SLC25A43: variants seen among roughly 807,000 people sequenced by gnomAD.
SLC25A43 encodes solute carrier family 25 member 43.
SLC25A43 carries 10 observed loss-of-function variants against 22.8 expected under a neutral mutation model. The observed-to-expected ratio is 0.44, with a 90% CI of 0.27 to 0.74. The LOEUF is 0.74. Among genes scored for constraint, SLC25A43 ranks in the 30% least tolerant of loss-of-function variants. The pLI, the probability that SLC25A43 is intolerant of heterozygous loss-of-function variation, is 0.17. For synonymous variants in SLC25A43, 106 were observed against 121.6 expected (o/e 0.87, Z 0.84); for missense variants, 233 against 279.1 (o/e 0.83, Z 1.18).
intron 1 of SLC25A43, 41 bp from the exon 2 acceptor site, chrX:119,406,419 C>T (rs1307292167): frequency 2.5e-6 from 3 of 1,198,851 alleles, no homozygotes; most frequent in Non-Finnish European, 3.4e-6. Flanking sequence ...TAGCACAATC[C>T]ATAGTTGATT....
At chrX:119,422,619 G>A (rs1325663476) in intron 3 of SLC25A43, among the ~76,000 whole-genome samples, 1 of 111,719 alleles carries the variant, frequency 9.0e-6, no homozygotes, top group Non-Finnish European at 1.9e-5. Context: ...AGGAGATCTC[G>A]CTGTCTGCTA....
At position 119,424,504 on chromosome X, in the gene SLC25A43, G is replaced by A. The variant is rs143119716; in HGVS notation, c.690+14142G>A. Among the ~76,000 whole-genome samples the A allele has an allele frequency of 5.6e-3, 619 of 110,774 alleles. 6 individuals are homozygous for A. Among genetic ancestry groups the A allele is most frequent in the African/African-American group, 0.02 (599 of 30,489 alleles). ...ACCAAGAGTACAGGAGCCTAATCCT[G>A]TAGGCAAGGGAACTGGATCATTTTG... On this transcript the variant is annotated intron_variant, in intron 3 of 4. Coordinates refer to ENST00000217909, the MANE Select transcript of SLC25A43 (RefSeq NM_145305.3).
At chrX:119,441,449 G>A (rs939867384) in intron 3 of SLC25A43, among the ~76,000 whole-genome samples, 21 of 108,568 alleles carry the variant, frequency 1.9e-4, no homozygotes, top group African/African-American at 7.1e-4. Flanking sequence ...CACGCTGGGA[G>A]CTGTAGACCG....
intron 3 of SLC25A43, among the ~76,000 whole-genome samples, chrX:119,427,840 T>A (rs1256786461): frequency 8.9e-6 from 1 of 112,348 alleles, no homozygotes; most frequent in African/African-American, 3.2e-5. Flanking sequence ...CCTATGAATT[T>A]TTTTTCCTTT....
rs772282178 is a variant in SLC25A43, at chrX:119,410,243, A to G, written c.571A>G (p.Ile191Val). Residue 191 changes from isoleucine to valine, a missense_variant, in exon 3 of 5, where the codon ATC becomes GTC. Transcript: ENST00000217909. ...TCTTGTTTACATGAACCTGGAGAAA[A>G]TCTGGAACGGACCCCGAGATCAGTT... is the stretch of plus-strand genomic sequence containing the variant. Reference protein sequence around the residue: ...SLLVYMNLEKIWNGPRDQFSL... With the variant: ...SLLVYMNLEKVWNGPRDQFSL... The G allele has an allele frequency of 3.3e-6, 4 of 1,210,481 alleles. No homozygotes were observed. The East Asian group carries it at 1.2e-4, about 36-fold the overall frequency.
intron 3 of SLC25A43, among the ~76,000 whole-genome samples, chrX:119,435,161 AG>A (rs1161849176): frequency 9.0e-6 from 1 of 111,097 alleles, no homozygotes; most frequent in African/African-American, 3.3e-5. Flanking sequence ...TTTTAAAAAA[AG>A]AAAAAAATCG....
chrX:119,449,964 A>T (rs2052694530), intron 3 of SLC25A43, among the ~76,000 whole-genome samples: 1 of 111,238 alleles, frequency 9.0e-6, no homozygotes, highest in African/African-American at 3.3e-5. Context: ...TGGGCCATTC[A>T]TCACTGAGAT....
At chrX:119,411,935 G>A (rs1454127953) in intron 3 of SLC25A43, among the ~76,000 whole-genome samples, 1 of 111,525 alleles carries the variant, frequency 9.0e-6, no homozygotes, top group Non-Finnish European at 1.9e-5. Flanking sequence ...GGCCTCTTCT[G>A]GGCAAACCCT....
At chrX:119,411,640 T>A (rs2052350387) in intron 3 of SLC25A43, among the ~76,000 whole-genome samples, 1 of 111,479 alleles carries the variant, frequency 9.0e-6, no homozygotes, top group African/African-American at 3.3e-5. Flanking sequence ...CTAGTTCAAA[T>A]AAGGTTGGGT....
At chrX:119,415,731 G>C (rs1203021670) in intron 3 of SLC25A43, among the ~76,000 whole-genome samples, 11 of 107,279 alleles carry the variant, frequency 1.0e-4, no homozygotes, top group Non-Finnish European at 1.9e-5. Context: ...CACAGGTGCC[G>C]TGACTCCTGC....
Position 119,399,694 on chromosome X carries a change from G to T in SLC25A43, c.275+16G>T. The T allele has an allele frequency of 1.0e-6, 1 of 991,646 alleles. No homozygotes were observed. The highest frequency in any genetic ancestry group is 1.3e-6 in the Non-Finnish European group (1 of 788,288). 81.7% of individuals were successfully genotyped at this position (991,646 alleles called of 1,213,427 possible). On this transcript the variant is annotated intron_variant, in intron 1 of 4. Transcript: ENST00000217909. ...CCTACCGCAAGTAAGAGCCGGGCGGGGCCGGGGAACCGGGAGACCGGACGG... is the reference window on the plus strand; with the variant it reads ...CCTACCGCAAGTAAGAGCCGGGCGGTGCCGGGGAACCGGGAGACCGGACGG...
chrX:119,409,014 A>AT (rs777990090), intron 2 of SLC25A43, among the ~76,000 whole-genome samples: 40 of 109,685 alleles, frequency 3.6e-4, no homozygotes, highest in South Asian at 2.4e-3. Context: ...TACTTGAGTG[A>AT]TTTTTTCCCC....
chrX:119,446,411 T>C (rs1311243701), intron 3 of SLC25A43, among the ~76,000 whole-genome samples: 1 of 111,898 alleles, frequency 8.9e-6, no homozygotes, highest in Non-Finnish European at 1.9e-5. Flanking sequence ...ATGACCTTGG[T>C]CAAATCACTT....
Position 119,453,313 on chromosome X carries a change from C to G in SLC25A43, c.*248C>G. The G allele has an allele frequency of 2.7e-6, 1 of 368,387 alleles. No homozygotes were observed. The highest frequency in any genetic ancestry group is 4.5e-5 in the East Asian group (1 of 22,307). The allele number at this position is 368,387 out of a possible 1,213,427, so 30.4% of individuals were successfully genotyped here. A position where few individuals can be genotyped will look rare whatever the true frequency, so the allele number is the denominator to read the frequency against. ...TTCCACGAGATTTTATAACCAGAGTCTAGCAGTGATAAAATGTACAATTTA... is the reference window on the plus strand; with the variant it reads ...TTCCACGAGATTTTATAACCAGAGTGTAGCAGTGATAAAATGTACAATTTA... On this transcript the variant is annotated 3_prime_UTR_variant, in exon 5 of 5. Transcript: ENST00000217909.
intron 3 of SLC25A43, chrX:119,426,220 T>A (rs1253019600): frequency 1.3e-6 from 1 of 754,213 alleles, no homozygotes; most frequent in Non-Finnish European, 1.6e-6. Flanking sequence ...GTGTTCCTCT[T>A]GAGGCTGTAA....
chrX:119,412,594 TCGAACTCC>T (rs1406028604), intron 3 of SLC25A43, among the ~76,000 whole-genome samples: 1 of 111,569 alleles, frequency 9.0e-6, no homozygotes, highest in Non-Finnish European at 1.9e-5. Context: ...CAGGCTGGTC[TCGAACTCC>T]TGAGCTCAAG....
chrX:119,403,039 C>T (rs746463368), intron 1 of SLC25A43, among the ~76,000 whole-genome samples: 13 of 111,631 alleles, frequency 1.2e-4, no homozygotes, highest in African/African-American at 4.2e-4. Flanking sequence ...GTTTCCTCTC[C>T]GCTTGCCCCT....
chrX:119,447,027 C>T (rs892651414), intron 3 of SLC25A43, among the ~76,000 whole-genome samples: 4 of 111,103 alleles, frequency 3.6e-5, no homozygotes, highest in Admixed American at 9.6e-5. Context: ...GATCTCAGCT[C>T]ACTGCAACCT....
At chrX:119,429,633 G>A (rs1475244876) in intron 3 of SLC25A43, among the ~76,000 whole-genome samples, 2 of 111,988 alleles carry the variant, frequency 1.8e-5, no homozygotes, top group East Asian at 5.6e-4. Context: ...AGTATTTACA[G>A]TCTAGGAGAT....
Sources: allele counts gnomAD v4.1 joint callset (sites outside exome capture counted in the v4.1 genomes callset), GRCh38; gene constraint gnomAD v4.1.1; transcripts MANE v1.5; gene names NCBI Gene and HGNC (gene_info 2026-07-23, HGNC 2026-07-21).